The following PIP5K1C variants were observed in gnomAD, a reference collection of about 807,000 sequenced individuals.
The protein encoded by PIP5K1C is phosphatidylinositol 4-phosphate 5-kinase type-1 gamma.
Under a neutral mutation model 80.1 loss-of-function variants are expected in PIP5K1C, and 45 were observed. The observed-to-expected ratio is 0.56, with a 90% CI of 0.44 to 0.72. The LOEUF is 0.72. Ranked by LOEUF, PIP5K1C falls within the 30% of genes least tolerant of loss-of-function variation. The pLI is 0.00. For synonymous variants in PIP5K1C, 498 were observed against 420.1 expected (o/e 1.19, Z -2.27); for missense variants, 753 against 954.6 (o/e 0.79, Z 2.78).
intron 1 of PIP5K1C, among the ~76,000 whole-genome samples, chr19:3,693,521 G>A (rs2036006049): frequency 6.6e-6 from 1 of 152,220 alleles, no homozygotes; most frequent in African/African-American, 2.4e-5. Flanking sequence ...ATCCTTGCAG[G>A]GTCTTGACCG....
chr19:3,642,791 TC>T, intron 14 of PIP5K1C, 115 bp downstream of exon 14: 1 of 852,288 alleles, frequency 1.2e-6, no homozygotes, highest in Middle Eastern at 2.2e-4. Flanking sequence ...CAATCTTAAA[TC>T]TGTCCCCAGG....
At position 3,643,353 on chromosome 19, in the gene PIP5K1C, T is replaced by G. The variant is rs1036306281; in HGVS notation, c.1539A>C (p.Pro513=). 3 of 1,613,620 alleles carry G rather than the reference T, an allele frequency of 1.9e-6. No homozygotes were observed. In the African/African-American group the frequency reaches 4.0e-5, roughly 22 times the overall value. ...CTGTAGTGGCTTCTTCGAAAGAAGGTGGCGTGCAGGGCAGGAGGTCGGGCC... is the reference window on the plus strand; with the variant it reads ...CTGTAGTGGCTTCTTCGAAAGAAGGGGGCGTGCAGGGCAGGAGGTCGGGCC... ...EGRPDLLPCT[P]PSFEEATTAS... The change falls in exon 13 of 18, where the codon CCA becomes CCC. Residue 513 remains proline, a synonymous_variant. Transcript: ENST00000335312.
intron 3 of PIP5K1C, among the ~76,000 whole-genome samples, chr19:3,662,952 C>T (rs1377907242): frequency 6.6e-6 from 1 of 152,202 alleles, no homozygotes; most frequent in East Asian, 1.9e-4. Flanking sequence ...ACCTCCGCCT[C>T]CTGGGTTCAA....
chr19:3,633,286 C>T (rs1270781475), intron 17 of PIP5K1C, 117 bp from the exon 18 acceptor site: 4 of 678,912 alleles, frequency 5.9e-6, no homozygotes, highest in Admixed American at 2.4e-5. Flanking sequence ...CCCACGGCCA[C>T]CTCAGAGCCA....
Position 3,644,212 on chromosome 19 carries a change from G to C in PIP5K1C, c.1385C>G (p.Ala462Gly), listed in dbSNP as rs748390114. 1 of 1,612,472 alleles carries C rather than the reference G, an allele frequency of 6.2e-7. No individual in the cohort carries two copies. Among genetic ancestry groups the C allele is most frequent in the South Asian group, 1.1e-5 (1 of 91,074 alleles). ...CCCCAGCGGTTTCACAGCTAGCAAG[G>C]CTCCGCCGCGCCCCTTCTTGGAGGG... is the stretch of plus-strand genomic sequence containing the variant. ...SSPSKKGRGG[A>G]LLAVKPLGPT... The change falls in exon 12 of 18, where the codon GCC becomes GGC. Residue 462 changes from alanine to glycine, a missense_variant. Physicochemically the swap from Ala to Gly is moderately conservative, Grantham distance 60. Around this residue, in one of 6 missense-constraint regions of PIP5K1C, gnomAD observed 315 missense variants for 294.5 expected, o/e 1.07. Transcript: ENST00000335312.
chr19:3,677,238 A>G (rs1163955989), intron 1 of PIP5K1C, among the ~76,000 whole-genome samples: 1 of 152,216 alleles, frequency 6.6e-6, no homozygotes, highest in African/African-American at 2.4e-5. Context: ...TGCTGGCTGG[A>G]GCAATAAGAC....
chr19:3,641,864 C>A (rs1042892215), intron 14 of PIP5K1C, 55 bp from the exon 15 acceptor site: 1 of 1,419,420 alleles, frequency 7.0e-7, no homozygotes, highest in African/African-American at 1.4e-5. Flanking sequence ...CCCCATCCTA[C>A]CCCCAGGAGT....
In PIP5K1C at chr19:3,651,811, C is replaced by A; in HGVS notation, c.1127+15G>T. ...AGGGAAGCGGGACGGGTCCGGCGGC[C>A]CCCCGCCCACCTACGTGTCATCCGA... On this transcript the variant is annotated intron_variant, in intron 8 of 17. Transcript: ENST00000335312. The A allele has an allele frequency of 1.2e-6, 2 of 1,607,840 alleles. No homozygotes were observed. The highest frequency in any genetic ancestry group is 1.7e-6 in the Non-Finnish European group (2 of 1,177,188).
At chr19:3,660,312 G>A (rs1013252317) in intron 5 of PIP5K1C, among the ~76,000 whole-genome samples, 3 of 151,940 alleles carry the variant, frequency 2.0e-5, no homozygotes, top group South Asian at 2.1e-4. Flanking sequence ...CCCAGGAGGC[G>A]GAGCTTACAG....
chr19:3,690,109 T>C (rs1048094577), intron 1 of PIP5K1C, among the ~76,000 whole-genome samples: 4 of 151,182 alleles, frequency 2.6e-5, no homozygotes, highest in African/African-American at 9.7e-5. Context: ...CTGATTACTT[T>C]TTTTTTTTTT....
chr19:3,670,975 G>C (rs2145527646), intron 1 of PIP5K1C, among the ~76,000 whole-genome samples: 1 of 152,370 alleles, frequency 6.6e-6, no homozygotes, highest in Non-Finnish European at 1.5e-5. Context: ...CGGCGGGGCG[G>C]AAGGTGCTGG....
chr19:3,659,741 C>T (rs969925915), intron 5 of PIP5K1C, among the ~76,000 whole-genome samples: 2 of 152,164 alleles, frequency 1.3e-5, no homozygotes, highest in African/African-American at 4.8e-5. Context: ...GGGTGTCACA[C>T]GTACCCCTGG....
intron 3 of PIP5K1C, among the ~76,000 whole-genome samples, chr19:3,663,325 C>T (rs1424180126): frequency 1.3e-5 from 2 of 152,180 alleles, no homozygotes; most frequent in Non-Finnish European, 1.5e-5. Flanking sequence ...GGAGGGAGGT[C>T]GGGAGTTGGG....
Position 3,700,465 on chromosome 19 carries a change from C to G in PIP5K1C, c.-75G>C, listed in dbSNP as rs915789428. On this transcript the variant is annotated 5_prime_UTR_variant, in exon 1 of 18. Transcript: ENST00000335312. ...ACCGCCGCCGCCGAACAACAAGCGC[C>G]GCCGGCCAAGGGAGGGCGCGCCGGG... The G allele has an allele frequency of 1.2e-6, 1 of 837,896 alleles. No individual in the cohort carries two copies. The highest frequency in any genetic ancestry group is 1.9e-5 in the African/African-American group (1 of 53,772). The allele number at this position is 837,896 out of a possible 1,614,324, so 51.9% of individuals were successfully genotyped here. A position where few individuals can be genotyped will look rare whatever the true frequency, so the allele number is the denominator to read the frequency against.
In PIP5K1C at chr19:3,664,787, C is replaced by T. The variant is rs201109352; in HGVS notation, c.219+35G>A. The T allele has an allele frequency of 1.2e-4, 192 of 1,544,770 alleles. 1 individual carries two copies. In the East Asian group the frequency reaches 3.4e-3, roughly 27 times the overall value. Reference sequence around the variant, plus strand: ...GATCCCCCTCCCCTCTGCTCTGTCCCGCTCCCTCCAGCCAGCTAAGGGGAG... The same window carrying T: ...GATCCCCCTCCCCTCTGCTCTGTCCTGCTCCCTCCAGCCAGCTAAGGGGAG... On this transcript the variant is annotated intron_variant, in intron 3 of 17. Transcript: ENST00000335312.
rs1291621186 is a variant in PIP5K1C, at chr19:3,696,911, G to A, written c.94+3386C>T. ...TGGGGTCCTCCTGGAATGTGGGACAGGGAGCAGAGGAAGAGCAGGGGCGCC... is the reference window on the plus strand; with the variant it reads ...TGGGGTCCTCCTGGAATGTGGGACAAGGAGCAGAGGAAGAGCAGGGGCGCC... On this transcript the variant is annotated intron_variant, in intron 1 of 17. Coordinates refer to ENST00000335312, the MANE Select transcript of PIP5K1C (RefSeq NM_012398.3). The surrounding 1 kb of genome is among the most constrained non-coding windows in gnomAD (Gnocchi z 4.1). Among the ~76,000 whole-genome samples, 1 of 152,232 alleles carries A rather than the reference G, an allele frequency of 6.6e-6. No individual in the cohort carries two copies. The highest frequency in any genetic ancestry group is 1.9e-4 in the East Asian group (1 of 5,202).
intron 16 of PIP5K1C, chr19:3,636,543 T>C: frequency 1.0e-6 from 1 of 985,518 alleles, no homozygotes; most frequent in Non-Finnish European, 1.2e-6. Flanking sequence ...GCAGGGCCGC[T>C]GGGTCTCTCC....
Position 3,647,341 on chromosome 19 carries a change from A to G in PIP5K1C, c.1257T>C (p.Asp419=). The G allele has an allele frequency of 6.3e-7, 1 of 1,575,764 alleles. No individual in the cohort carries two copies. Among genetic ancestry groups the G allele is most frequent in the South Asian group, 1.2e-5 (1 of 86,134 alleles). ...LEHTWKALVH[D]GDTVSVHRPS... is the part of the protein sequence containing the mutation. Reference sequence around the variant, plus strand: ...GGAGGAGGGTGCAGGCGCTCACCCCATCGTGGACGAGGGCCTTCCAGGTGT... The same window carrying G: ...GGAGGAGGGTGCAGGCGCTCACCCCGTCGTGGACGAGGGCCTTCCAGGTGT... The change falls in exon 10 of 18, where the codon GAT becomes GAC. Residue 419 remains aspartate (D), a synonymous_variant. Transcript: ENST00000335312.
chr19:3,658,287 C>T (rs753996193), intron 5 of PIP5K1C, among the ~76,000 whole-genome samples: 17 of 152,272 alleles, frequency 1.1e-4, no homozygotes, highest in Non-Finnish European at 8.8e-5. Context: ...CTCCTGCATG[C>T]GCTGCTTCTG....
Sources: gnomAD v4.1 joint callset for allele counts (sites outside exome capture counted in the v4.1 genomes callset) on GRCh38, gnomAD v4.1.1 for gene constraint, gnomAD v4.1.1 regional missense constraint, Gnocchi (gnomAD v3.1) non-coding constraint, MANE v1.5 for transcripts, NCBI Gene and HGNC (gene_info 2026-07-23, HGNC 2026-07-21) for gene names.